PHF24: variants seen among roughly 807,000 people sequenced by gnomAD.
PHF24 encodes the protein Galpha inhibitory interacting protein.
In PHF24, 25 loss-of-function variants were observed where a neutral mutation model predicts 42.6. The ratio of observed to expected loss-of-function variants is 0.59; its 90% confidence interval spans 0.43 to 0.82. PHF24 has a LOEUF of 0.82. PHF24 is among the 40% of genes least tolerant of loss of function. The probability of loss-of-function intolerance (pLI) is 0.00; values close to 1 mark genes in which losing one functional copy is unlikely to be tolerated. For synonymous variants in PHF24, 185 were observed against 204.8 expected (o/e 0.90, Z 0.83); for missense variants, 470 against 538.1 (o/e 0.87, Z 1.25).
chr9:34,869,370 A>G, the PHF24 span, among the ~76,000 whole-genome samples: 2 of 152,192 alleles, frequency 1.3e-5, no homozygotes, highest in African/African-American at 2.4e-5. Context: ...CACTCCCATC[A>G]ACAGTGTAAA....
chr9:34,958,214 C>T (rs1826441965), upstream of PHF24: 4 of 153,110 alleles, frequency 2.6e-5, no homozygotes, highest in South Asian at 7.0e-4. The surrounding 1 kb of genome is among the most constrained non-coding windows in gnomAD (Gnocchi z 4.5). Context: ...GGTGGGTGTG[C>T]TCCGGCCGCG....
At chr9:34,680,369 TG>T in the PHF24 span, among the ~76,000 whole-genome samples, 1 of 134,528 alleles carries the variant, frequency 7.4e-6, no homozygotes, top group East Asian at 2.3e-4. Context: ...AGGGAGACCC[TG>T]TCTCAAAAAA....
At chr9:34,927,027 G>A in the PHF24 span, among the ~76,000 whole-genome samples, 3,560 of 152,242 alleles carry the variant, frequency 0.023, 59 homozygotes, top group South Asian at 0.059. Context: ...CTGTTTCTCC[G>A]GTCCTGAGCA....
the PHF24 span, among the ~76,000 whole-genome samples, chr9:34,670,018 CA>C: frequency 6.6e-6 from 1 of 151,676 alleles, no homozygotes; most frequent in Non-Finnish European, 1.5e-5. Context: ...AAGGAAATCT[CA>C]AAAAAAACTC....
chr9:34,973,513 T>G (rs1454154735), intron 3 of PHF24, among the ~76,000 whole-genome samples: 9 of 152,218 alleles, frequency 5.9e-5, no homozygotes, highest in Non-Finnish European at 2.9e-5. Context: ...TACACCTGAA[T>G]AGAGTTCAAG....
At chr9:34,750,491 AAAATAAATAAATAAATAAATAAAT>A in the PHF24 span, among the ~76,000 whole-genome samples, 35 of 142,216 alleles carry the variant, frequency 2.5e-4, 1 homozygote, top group South Asian at 2.8e-3. Flanking sequence ...CTCTATCTCA[AAAATAAATAAATAAATAAATAAAT>A]AAATAAATAA....
chr9:34,752,998 C>A, the PHF24 span, among the ~76,000 whole-genome samples: 43,927 of 151,862 alleles, frequency 0.29, 6,798 homozygotes, highest in Admixed American at 0.35. Flanking sequence ...ATGATAAAAA[C>A]CCTCAAAATA....
At chr9:34,697,609 C>A in the PHF24 span, among the ~76,000 whole-genome samples, 1 of 152,174 alleles carries the variant, frequency 6.6e-6, no homozygotes, top group Non-Finnish European at 1.5e-5. Flanking sequence ...CCTGAGCCAC[C>A]GCACCCAGCC....
the PHF24 span, among the ~76,000 whole-genome samples, chr9:34,752,937 T>C: frequency 6.6e-6 from 1 of 152,124 alleles, no homozygotes. Flanking sequence ...GACCAAATCA[T>C]GTGATCATTT....
chr9:34,709,423 C>G, the PHF24 span: 1 of 1,611,258 alleles, frequency 6.2e-7, no homozygotes, highest in Non-Finnish European at 8.5e-7. Flanking sequence ...TGTGACCGCT[C>G]AGTCCTGTGA....
the PHF24 span, among the ~76,000 whole-genome samples, chr9:34,776,178 T>G: frequency 1.3e-5 from 2 of 152,172 alleles, no homozygotes; most frequent in African/African-American, 2.4e-5. Flanking sequence ...TGGTGATGGT[T>G]GCAAAATTCT....
At chr9:34,711,431 C>G in the PHF24 span, among the ~76,000 whole-genome samples, 1 of 151,864 alleles carries the variant, frequency 6.6e-6, no homozygotes, top group Non-Finnish European at 1.5e-5. Context: ...CGAGGTCTCA[C>G]TATGTTGCCC....
the PHF24 span, among the ~76,000 whole-genome samples, chr9:34,827,745 C>T: frequency 6.6e-5 from 10 of 152,238 alleles, no homozygotes; most frequent in East Asian, 1.9e-4. Context: ...TGTCCAAAAT[C>T]GATGTCCCTC....
At chr9:34,875,930 A>ACG in the PHF24 span, among the ~76,000 whole-genome samples, 1 of 71,352 alleles carries the variant, frequency 1.4e-5, no homozygotes, top group African/African-American at 5.2e-5. Flanking sequence ...ACACACACAC[A>ACG]CACACACACA....
chr9:34,721,365 G>A, the PHF24 span, among the ~76,000 whole-genome samples: 199 of 150,414 alleles, frequency 1.3e-3, 1 homozygote, highest in African/African-American at 4.6e-3. Flanking sequence ...AGGAGTTTAT[G>A]TTACCCTTTC....
chr9:34,819,409 G>C, the PHF24 span, among the ~76,000 whole-genome samples: 3 of 151,772 alleles, frequency 2.0e-5, no homozygotes, highest in African/African-American at 7.3e-5. Context: ...GGTATTTATT[G>C]CTATAAATTT....
At chr9:34,969,956 G>A (rs983654350) in intron 1 of PHF24, among the ~76,000 whole-genome samples, 5 of 152,168 alleles carry the variant, frequency 3.3e-5, no homozygotes, top group African/African-American at 7.2e-5. Flanking sequence ...GGTGGGTCTC[G>A]CCTTCCTTTA....
chr9:34,874,948 G>T, the PHF24 span, among the ~76,000 whole-genome samples: 1 of 151,960 alleles, frequency 6.6e-6, no homozygotes, highest in Admixed American at 6.6e-5. Flanking sequence ...TATCCTTTGG[G>T]TTACAAACAA....
At chr9:34,981,984 C>G (rs2381208) in exon 8 of PHF24, 62,769 of 151,848 alleles carry the variant, frequency 0.41, 13,819 homozygotes, top group East Asian at 0.91. Flanking sequence ...CTATTTTTGG[C>G]AACCTTGGAA....
Sources: gnomAD v4.1 joint callset for allele counts (sites outside exome capture counted in the v4.1 genomes callset) on GRCh38, gnomAD v4.1.1 for gene constraint, Gnocchi (gnomAD v3.1) non-coding constraint, MANE v1.5 for transcripts, NCBI Gene and HGNC (gene_info 2026-07-23, HGNC 2026-07-21) for gene names.